NLRP10: variants seen among roughly 807,000 people sequenced by gnomAD.
NLRP10 encodes NLR family pyrin domain containing 10.
NLRP10 carries 7 observed loss-of-function variants against 8.2 expected under a neutral mutation model. The observed-to-expected ratio is 0.85, with a 90% CI of 0.48 to 1.60. The LOEUF is 1.60. Ranked by LOEUF, NLRP10 falls within the 40% of genes most tolerant of loss-of-function variation. The pLI is 0.00. For synonymous variants in NLRP10, 338 were observed against 314.0 expected (o/e 1.08, Z -0.81); for missense variants, 814 against 776.3 (o/e 1.05, Z -0.58).
rs765616540 is a variant in NLRP10, at chr11:7,961,192, G to A, written c.420C>T (p.Cys140=). 4.3e-6 allele frequency: 7 copies of A among 1,613,914 alleles called. No homozygotes were observed. The Admixed American group carries it at 1.0e-4, about 23-fold the overall frequency. ...ACTCCAGCTCCTGCTCCGGGAAGGG[G>A]CAGGCAAGTGATTCTGGGCTCTCTG... The part of the protein sequence containing the change: ...PSSESPESLA[C]PFPEQELESV... The change falls in exon 3 of 3, where the codon TGC becomes TGT. Residue 140 remains cysteine (C), a synonymous_variant. Transcript: ENST00000691676.
At chr11:7,962,228 G>GTTTTTTTTTTTTTTT (rs1196465022) in intron 2 of NLRP10, among the ~76,000 whole-genome samples, 3 of 36,858 alleles carry the variant, frequency 8.1e-5, no homozygotes, top group East Asian at 7.7e-4. Flanking sequence ...AGATAAGCCT[G>GTTTTTTTTTTTTTTT]TTCTTTTTTT....
chr11:7,961,905 C>A (rs555638902), intron 2 of NLRP10, among the ~76,000 whole-genome samples: 1 of 152,228 alleles, frequency 6.6e-6, no homozygotes, highest in African/African-American at 2.4e-5. Flanking sequence ...GTCATGGGGG[C>A]AAATCCCTCA....
At chr11:7,963,856 C>T (rs1228518633) in intron 1 of NLRP10, among the ~76,000 whole-genome samples, 2 of 150,188 alleles carry the variant, frequency 1.3e-5, no homozygotes, top group Non-Finnish European at 3.0e-5. Flanking sequence ...TCCCTCTCAA[C>T]ACGTTCTTTA....
intron 2 of NLRP10, among the ~76,000 whole-genome samples, chr11:7,962,575 A>G (rs945500981): frequency 6.6e-6 from 1 of 152,172 alleles, no homozygotes; most frequent in Admixed American, 6.5e-5. Context: ...CAAATGCTAA[A>G]GATAAAACAG....
chr11:7,959,941 G>T lies in NLRP10; in HGVS notation c.1671C>A (p.His557Gln). 6.2e-7 allele frequency: 1 copy of T among 1,614,090 alleles called. No homozygotes were observed. Among genetic ancestry groups the T allele is most frequent in the Non-Finnish European group, 8.5e-7 (1 of 1,180,020 alleles). ...AGAATTCCAAATCCCAGGTCCTGTT[G>T]TGCTTCATAGATTCCATCTGTTCTT... ...HFKEQMESMK[H>Q]NRTWDLEFSL... The change falls in exon 3 of 3, where the codon CAC becomes CAA. Residue 557 changes from histidine to glutamine, a missense_variant. Physicochemically the swap from His to Gln is conservative, Grantham distance 24 (BLOSUM62 0). Coordinates refer to ENST00000691676, the MANE Select transcript of NLRP10 (RefSeq NM_001391958.1).
intron 2 of NLRP10, among the ~76,000 whole-genome samples, chr11:7,962,348 G>T (rs1420534532): frequency 7.0e-6 from 1 of 143,368 alleles, no homozygotes; most frequent in Non-Finnish European, 1.5e-5. Context: ...CCATTCTCCT[G>T]CCTCAGCCTC....
At position 7,960,515 on chromosome 11, in the gene NLRP10, C is replaced by T. The variant is rs768173093; in HGVS notation, c.1097G>A (p.Gly366Glu). ...GACAACTTTGCCTCTCTCCATCTGC[C>T]CCTGCAGCCAGGAGCAGACCACCCA... Reference protein sequence around the residue: ...ICWVVCSWLQGQMERGKVVLE... With the variant: ...ICWVVCSWLQEQMERGKVVLE... The change falls in exon 3 of 3, where the codon GGG becomes GAG. Residue 366 changes from glycine (G) to glutamate (E), a missense_variant. Coordinates refer to ENST00000691676, the MANE Select transcript of NLRP10 (RefSeq NM_001391958.1). The T allele has an allele frequency of 2.5e-6, 4 of 1,613,974 alleles. No individual in the cohort carries two copies. The African/African-American group carries it at 4.0e-5, about 16-fold the overall frequency.
At chr11:7,963,831 C>G (rs566401771) in intron 1 of NLRP10, among the ~76,000 whole-genome samples, 14 of 151,492 alleles carry the variant, frequency 9.2e-5, no homozygotes, top group Admixed American at 3.3e-4. Context: ...TCTCTCCCCC[C>G]ACTCCCTTCC....
rs1028674287 is a variant in NLRP10 at position 7,958,159 on chromosome 11, G to A, written c.*1485C>T. ...GTTGCTTCCAAATTTGGGCAATTACGAATAAAGCTGCTATAAATATTCATG... is the reference window on the plus strand; with the variant it reads ...GTTGCTTCCAAATTTGGGCAATTACAAATAAAGCTGCTATAAATATTCATG... On this transcript the variant is annotated 3_prime_UTR_variant, in exon 3 of 3. Coordinates refer to ENST00000691676, the MANE Select transcript of NLRP10 (RefSeq NM_001391958.1). 5.3e-5 allele frequency among the ~76,000 whole-genome samples: 8 copies of A among 152,128 alleles called. No homozygotes were observed. The highest frequency in any genetic ancestry group is 2.1e-4 in the South Asian group (1 of 4,834).
intron 2 of NLRP10, among the ~76,000 whole-genome samples, chr11:7,962,266 C>T (rs566468880): frequency 2.2e-4 from 11 of 49,862 alleles, no homozygotes; most frequent in African/African-American, 6.3e-4. Flanking sequence ...GATGGAGTTT[C>T]GCTCTGTCGC....
At chr11:7,962,728 G>T (rs1370229538) in intron 2 of NLRP10, among the ~76,000 whole-genome samples, 3 of 152,084 alleles carry the variant, frequency 2.0e-5, no homozygotes, top group Non-Finnish European at 4.4e-5. Flanking sequence ...CCCACAGGAA[G>T]AACCAGCAGG....
In NLRP10 at chr11:7,960,216, G is replaced by A. The variant is rs1192493570; in HGVS notation, c.1396C>T (p.His466Tyr). ...TGAAAAAAGTCCTGGAAGCTGATGT[G>A]GCGGAAGCTGTAGAACTTCTTGATG... ...LAIKKFYSFRHISFQDFFHAM... is the reference protein window; with the variant it reads ...LAIKKFYSFRYISFQDFFHAM... Residue 466 changes from histidine to tyrosine, a missense_variant, in exon 3 of 3, where the codon CAC becomes TAC. Coordinates refer to ENST00000691676, the MANE Select transcript of NLRP10 (RefSeq NM_001391958.1). 5.0e-6 allele frequency: 8 copies of A among 1,614,148 alleles called. No homozygotes were observed. Among genetic ancestry groups the A allele is most frequent in the Non-Finnish European group, 6.8e-6 (8 of 1,180,010 alleles).
At position 7,965,408 on chromosome 11, in the gene NLRP10, A is replaced by C. The variant is rs1227426446; in HGVS notation, c.-208T>G. On this transcript the variant is annotated 5_prime_UTR_variant, in exon 1 of 3. Coordinates refer to ENST00000691676, the MANE Select transcript of NLRP10 (RefSeq NM_001391958.1). ...TGGGCTCTCTTAGCCCATACTCACT[A>C]GTTCACTTCTGTTTGGTGGTGCTGG... 1 of 152,084 alleles carries C rather than the reference A, an allele frequency of 6.6e-6. No homozygotes were observed. The highest frequency in any genetic ancestry group is 2.4e-5 in the African/African-American group (1 of 41,384). The allele number at this position is 152,084 out of a possible 1,614,324, so 9.4% of individuals were successfully genotyped here.
At chr11:7,964,269 T>C (rs1358423075) in intron 1 of NLRP10, among the ~76,000 whole-genome samples, 1 of 152,162 alleles carries the variant, frequency 6.6e-6, no homozygotes, top group Non-Finnish European at 1.5e-5. Context: ...TGTGAACCTA[T>C]AGAAAGCTGG....
chr11:7,962,438 G>A (rs554280308), intron 2 of NLRP10, among the ~76,000 whole-genome samples: 73 of 151,722 alleles, frequency 4.8e-4, no homozygotes, highest in Non-Finnish European at 9.1e-4. Context: ...GGGTTTCACC[G>A]TGTTAGCCAG....
intron 1 of NLRP10, among the ~76,000 whole-genome samples, chr11:7,963,990 C>T (rs1025710791): frequency 1.2e-4 from 18 of 152,160 alleles, no homozygotes; most frequent in African/African-American, 2.9e-4. Flanking sequence ...GGCATGATCT[C>T]GGCTCACCTC....
rs75105482 is a variant in NLRP10 at position 7,957,599 on chromosome 11, A to G, written c.*2045T>C. ...TATACTTCAATAAAACTTTTTTTAAATACAGAAAGTTCCTATATACCCTCT... is the reference window on the plus strand; with the variant it reads ...TATACTTCAATAAAACTTTTTTTAAGTACAGAAAGTTCCTATATACCCTCT... On this transcript the variant is annotated 3_prime_UTR_variant, in exon 3 of 3. Coordinates refer to ENST00000691676, the MANE Select transcript of NLRP10 (RefSeq NM_001391958.1). Among the ~76,000 whole-genome samples, 3,057 of 152,138 alleles carry G rather than the reference A, an allele frequency of 0.02. 96 individuals carry two copies. The highest frequency in any genetic ancestry group is 0.069 in the African/African-American group (2,870 of 41,516).
chr11:7,959,904 C>T lies in NLRP10; in HGVS notation c.1708G>A (p.Ala570Thr), dbSNP rs771572821. Residue 570 changes from alanine to threonine, a missense_variant, in exon 3 of 3, where the codon GCT becomes ACT. By Grantham distance (58) the Ala-to-Thr change is moderately conservative. Transcript: ENST00000691676. ...CCTTTTACCAGATTCTTTATTTTAGCTTCATACAGGGAGAATTCCAAATCC... is the reference window on the plus strand; with the variant it reads ...CCTTTTACCAGATTCTTTATTTTAGTTTCATACAGGGAGAATTCCAAATCC... ...TWDLEFSLYEAKIKNLVKGIQ... is the reference protein window; with the variant it reads ...TWDLEFSLYETKIKNLVKGIQ... 3.1e-6 allele frequency: 5 copies of T among 1,613,878 alleles called. No homozygotes were observed. Among genetic ancestry groups the T allele is most frequent in the Non-Finnish European group, 4.2e-6 (5 of 1,179,926 alleles).
chr11:7,957,781 G>A lies in NLRP10; in HGVS notation c.*1863C>T, dbSNP rs375235514. 7.9e-5 allele frequency among the ~76,000 whole-genome samples: 12 copies of A among 152,154 alleles called. No homozygotes were observed. The highest frequency in any genetic ancestry group is 2.2e-4 in the African/African-American group (9 of 41,534). On this transcript the variant is annotated 3_prime_UTR_variant, in exon 3 of 3. Coordinates refer to ENST00000691676, the MANE Select transcript of NLRP10 (RefSeq NM_001391958.1). Reference sequence around the variant, plus strand: ...CTCTTTGTATTGTACAGCTCTATGCGTTTTGAAAAATTTATGTCATGACTC... The same window carrying A: ...CTCTTTGTATTGTACAGCTCTATGCATTTTGAAAAATTTATGTCATGACTC...
Sources: gnomAD v4.1 joint callset for allele counts (sites outside exome capture counted in the v4.1 genomes callset) on GRCh38, gnomAD v4.1.1 for gene constraint, MANE v1.5 for transcripts, NCBI Gene and HGNC (gene_info 2026-07-23, HGNC 2026-07-21) for gene names.